Variants in DNAJB14 observed in about 807,000 individuals in gnomAD.
DNAJB14 encodes the protein DnaJ heat shock protein family (Hsp40) member B14.
DNAJB14 carries 22 observed loss-of-function variants against 48.4 expected under a neutral mutation model. That is an observed-to-expected ratio of 0.45 (90% confidence interval 0.32 to 0.65). The LOEUF is 0.65. Among genes scored for constraint, DNAJB14 ranks in the 30% least tolerant of loss-of-function variants. The probability of loss-of-function intolerance (pLI) is 0.03; values close to 1 mark genes in which losing one functional copy is unlikely to be tolerated. For missense variants in DNAJB14, 319 were observed against 458.8 expected (o/e 0.70, Z 2.78); for synonymous variants, 142 against 158.7 (o/e 0.89, Z 0.79).
At chr4:99,914,116 C>A (rs918942999) in intron 3 of DNAJB14, among the ~76,000 whole-genome samples, 15 of 152,144 alleles carry the variant, frequency 9.9e-5, no homozygotes, top group African/African-American at 3.6e-4. Flanking sequence ...AGAGCAAGAA[C>A]TTACTACTGT....
chr4:99,923,928 GT>G, intron 2 of DNAJB14: 1 of 954,582 alleles, frequency 1.0e-6, no homozygotes, highest in Non-Finnish European at 1.2e-6. Flanking sequence ...CTCAAAAAAT[GT>G]TATCCCTGAT....
chr4:99,908,968 A>G, intron 3 of DNAJB14, 72 bp from the exon 4 acceptor site: 1 of 1,110,606 alleles, frequency 9.0e-7, no homozygotes, highest in Non-Finnish European at 1.2e-6. Flanking sequence ...CATAAAAACT[A>G]ACATCATGCT....
chr4:99,946,401 G>A (rs1005016796), intron 1 of DNAJB14, 38 bp downstream of exon 1: 4 of 1,583,624 alleles, frequency 2.5e-6, no homozygotes, highest in African/African-American at 1.3e-5. Context: ...CGGTGGTCTG[G>A]GGATTGGGCA....
At chr4:99,916,932 A>G (rs1159803407) in intron 3 of DNAJB14, among the ~76,000 whole-genome samples, 1 of 152,098 alleles carries the variant, frequency 6.6e-6, no homozygotes, top group Admixed American at 6.5e-5. Flanking sequence ...CGAGAGATAG[A>G]GACCATCCTG....
chr4:99,918,777 A>G (rs968288270), intron 3 of DNAJB14, among the ~76,000 whole-genome samples: 1 of 152,156 alleles, frequency 6.6e-6, no homozygotes, highest in African/African-American at 2.4e-5. Context: ...TAAGGAAATG[A>G]CTTTGTTACC....
chr4:99,943,928 C>A (rs1244902781), intron 1 of DNAJB14, among the ~76,000 whole-genome samples: 1 of 151,676 alleles, frequency 6.6e-6, no homozygotes, highest in Non-Finnish European at 1.5e-5. Flanking sequence ...CAAATAGCAC[C>A]ATCAACAAAG....
chr4:99,939,885 CT>C (rs1726827826), intron 1 of DNAJB14, among the ~76,000 whole-genome samples: 1 of 152,226 alleles, frequency 6.6e-6, no homozygotes, highest in Non-Finnish European at 1.5e-5. Context: ...CATGGGATCT[CT>C]TTTACAATAA....
chr4:99,936,195 A>G (rs1726668191), intron 1 of DNAJB14, among the ~76,000 whole-genome samples: 1 of 152,256 alleles, frequency 6.6e-6, no homozygotes, highest in Non-Finnish European at 1.5e-5. Context: ...ATTTTATGTA[A>G]TGAAGCAATT....
chr4:99,932,946 A>G (rs997296889), intron 1 of DNAJB14, among the ~76,000 whole-genome samples: 7 of 152,200 alleles, frequency 4.6e-5, no homozygotes, highest in Non-Finnish European at 7.4e-5. Flanking sequence ...CAGGGACAGA[A>G]AGTAAATGAA....
chr4:99,933,984 CCTA>C (rs1441314060), intron 1 of DNAJB14, among the ~76,000 whole-genome samples: 2 of 152,062 alleles, frequency 1.3e-5, no homozygotes, highest in African/African-American at 4.8e-5. Flanking sequence ...ATGAGTTTTG[CCTA>C]CTACAATAGT....
intron 3 of DNAJB14, among the ~76,000 whole-genome samples, chr4:99,918,078 C>G (rs961106771): frequency 6.6e-5 from 10 of 152,148 alleles, no homozygotes; most frequent in Non-Finnish European, 8.8e-5. Context: ...CCCTCTTTCT[C>G]CCTTTCTTCT....
At chr4:99,946,304 C>T (rs1003625276) in intron 1 of DNAJB14, 135 bp downstream of exon 1, 3 of 1,376,946 alleles carry the variant, frequency 2.2e-6, no homozygotes, top group Non-Finnish European at 2.0e-6. Context: ...TGCTCCCCAC[C>T]GGGCCTGGGG....
At chr4:99,932,801 A>G (rs928757407) in intron 1 of DNAJB14, among the ~76,000 whole-genome samples, 4 of 152,204 alleles carry the variant, frequency 2.6e-5, no homozygotes, top group African/African-American at 9.6e-5. Flanking sequence ...CAAAAATAAA[A>G]AGAAACAGAG....
rs1725230095 is a variant in DNAJB14, at chr4:99,899,616, A to G, written c.*1412T>C. 2.0e-5 allele frequency: 3 copies of G among 152,166 alleles called. No homozygotes were observed. Among genetic ancestry groups the G allele is most frequent in the Admixed American group, 6.6e-5 (1 of 15,234 alleles). 9.4% of individuals were successfully genotyped at this position (152,166 alleles called of 1,614,324 possible). ...ACTACATTCAGGAAAAAAAACTTAA[A>G]CAAAGAACAAAGCCACCCTATCTAG... On this transcript the variant is annotated 3_prime_UTR_variant, in exon 8 of 8. Transcript: ENST00000442697.
intron 1 of DNAJB14, among the ~76,000 whole-genome samples, chr4:99,936,748 CACTA>C (rs1560747797): frequency 6.6e-6 from 1 of 152,102 alleles, no homozygotes; most frequent in Non-Finnish European, 1.5e-5. Context: ...AAGGGGCTCG[CACTA>C]ACTAAATCTG....
intron 3 of DNAJB14, among the ~76,000 whole-genome samples, chr4:99,918,928 T>C (rs879778977): frequency 1.3e-5 from 2 of 152,200 alleles, no homozygotes; most frequent in Non-Finnish European, 2.9e-5. Flanking sequence ...AAGCCTTTCT[T>C]ACTACCCAGC....
At chr4:99,910,800 C>T (rs908338388) in intron 3 of DNAJB14, among the ~76,000 whole-genome samples, 1 of 151,820 alleles carries the variant, frequency 6.6e-6, no homozygotes, top group Non-Finnish European at 1.5e-5. Context: ...GCATTTCTAC[C>T]TCATTGTCAC....
At chr4:99,927,268 G>A (rs1462600734) in intron 2 of DNAJB14, 1 of 152,070 alleles carries the variant, frequency 6.6e-6, no homozygotes, top group Non-Finnish European at 1.5e-5. Flanking sequence ...TGGTGGGAGA[G>A]GAAGGTCATT....
intron 1 of DNAJB14, among the ~76,000 whole-genome samples, chr4:99,945,046 C>A (rs1463046947): frequency 6.6e-6 from 1 of 152,056 alleles, no homozygotes; most frequent in Non-Finnish European, 1.5e-5. Flanking sequence ...ATGGTAGTTG[C>A]CAGGGTCTTA....
Sources: allele counts gnomAD v4.1 joint callset (sites outside exome capture counted in the v4.1 genomes callset), GRCh38; gene constraint gnomAD v4.1.1; transcripts MANE v1.5; gene names NCBI Gene and HGNC (gene_info 2026-07-23, HGNC 2026-07-21).